PON2: variants seen among roughly 807,000 people sequenced by gnomAD.
The protein encoded by PON2 is paraoxonase 2.
A neutral mutation model predicts 36.6 loss-of-function variants in PON2; 27 were observed. That is an observed-to-expected ratio of 0.74 (90% CI 0.54 to 1.02). PON2 has a LOEUF of 1.02. Among genes scored for constraint, PON2 ranks in the 50% least tolerant of loss-of-function variants. PON2 has a pLI of 0.00. For synonymous variants in PON2, 149 were observed against 156.3 expected (o/e 0.95, Z 0.35); for missense variants, 363 against 421.1 (o/e 0.86, Z 1.21).
intron 2 of PON2, among the ~76,000 whole-genome samples, chr7:95,417,074 A>G (rs1474127822): frequency 6.6e-6 from 1 of 151,858 alleles, no homozygotes; most frequent in Admixed American, 6.6e-5. Context: ...AGAAAAGAAG[A>G]ATAAAAATGG....
At chr7:95,429,318 A>G (rs1789386781) in intron 1 of PON2, among the ~76,000 whole-genome samples, 1 of 152,070 alleles carries the variant, frequency 6.6e-6, no homozygotes, top group Admixed American at 6.6e-5. Context: ...TTTGCTAAGA[A>G]TGACGGTTTC....
rs1262103038 is a variant in PON2, at chr7:95,409,047, A to T, written c.695+854T>A. Among the ~76,000 whole-genome samples the T allele has an allele frequency of 2.6e-5, 4 of 152,098 alleles. No individual in the cohort carries two copies. In the East Asian group the frequency reaches 7.7e-4, roughly 29 times the overall value. On this transcript the variant is annotated intron_variant, in intron 6 of 8. Transcript: ENST00000222572. ...CTCTCTTAGAGCCAGGTGTGGTGGCATATGCCTGTAATCCCAGCACTTCGG... is the reference window on the plus strand; with the variant it reads ...CTCTCTTAGAGCCAGGTGTGGTGGCTTATGCCTGTAATCCCAGCACTTCGG...
intron 2 of PON2, chr7:95,418,306 T>C (rs1277456945): frequency 6.6e-6 from 1 of 152,238 alleles, no homozygotes; most frequent in African/African-American, 2.4e-5. Flanking sequence ...ATGATTATCT[T>C]TTATTTTAGA....
chr7:95,417,522 G>A (rs972742326), intron 2 of PON2, among the ~76,000 whole-genome samples: 1 of 151,514 alleles, frequency 6.6e-6, no homozygotes, highest in Non-Finnish European at 1.5e-5. Flanking sequence ...CTGTAAAAAC[G>A]GTCCTTGATT....
chr7:95,405,443 T>G lies in PON2; in HGVS notation c.952A>C (p.Thr318Pro). 1 of 1,613,544 alleles carries G rather than the reference T, an allele frequency of 6.2e-7. No homozygotes were observed. The highest frequency in any genetic ancestry group is 1.1e-5 in the South Asian group (1 of 91,064). The change falls in exon 9 of 9, where the codon ACA (threonine) becomes CCA (proline). Residue 318 changes from threonine (T) to proline (P), a missense_variant. By Grantham distance (38) the Thr-to-Pro change is conservative. Coordinates refer to ENST00000222572, the MANE Select transcript of PON2 (RefSeq NM_000305.3). ...NILSEKPTVT[T>P]VYANNGSVLQ... ...ACAGACCCATTGTTGGCATAAACTG[T>G]AGTCACTGTAGGCTTCTCAGATAGA...
chr7:95,417,859 T>C (rs1789105765), intron 2 of PON2, among the ~76,000 whole-genome samples: 2 of 138,058 alleles, frequency 1.4e-5, no homozygotes, highest in African/African-American at 2.7e-5. Context: ...AAAGAAGATA[T>C]ATAGAAAAAA....
At chr7:95,411,926 T>A in intron 4 of PON2, 147 bp from the exon 5 acceptor site, 1 of 869,740 alleles carries the variant, frequency 1.1e-6, no homozygotes, top group Non-Finnish European at 1.8e-6. Context: ...TCTTTCCTAT[T>A]GCTGTCCGTC....
At chr7:95,427,253 A>G (rs1252670371) in intron 1 of PON2, among the ~76,000 whole-genome samples, 1 of 152,186 alleles carries the variant, frequency 6.6e-6, no homozygotes, top group African/African-American at 2.4e-5. Flanking sequence ...TCCCTGGCAG[A>G]ACAATCAGTT....
chr7:95,408,051 C>T (rs941538795), intron 6 of PON2, among the ~76,000 whole-genome samples: 3 of 152,156 alleles, frequency 2.0e-5, no homozygotes, highest in Non-Finnish European at 4.4e-5. Flanking sequence ...TAAACAAAGT[C>T]CAACCCTTTA....
chr7:95,427,785 G>A (rs1397061523), intron 1 of PON2, among the ~76,000 whole-genome samples: 1 of 152,036 alleles, frequency 6.6e-6, no homozygotes, highest in Non-Finnish European at 1.5e-5. Context: ...AGCAATCCTC[G>A]CTGGCATCAG....
At chr7:95,423,871 C>T (rs1305629498) in intron 2 of PON2, among the ~76,000 whole-genome samples, 1 of 151,898 alleles carries the variant, frequency 6.6e-6, no homozygotes. Context: ...CTTCACATGG[C>T]GGCAGCAAGG....
chr7:95,419,482 T>C (rs780790378), intron 2 of PON2, among the ~76,000 whole-genome samples: 10 of 152,216 alleles, frequency 6.6e-5, no homozygotes, highest in Admixed American at 1.3e-4. Flanking sequence ...TTAATTTCCA[T>C]CTCTTCTTAT....
intron 3 of PON2, among the ~76,000 whole-genome samples, chr7:95,414,763 T>C (rs1789022178): frequency 6.6e-6 from 1 of 152,254 alleles, no homozygotes; most frequent in African/African-American, 2.4e-5. Flanking sequence ...TGTGCAAGCA[T>C]GTGCTCCTAA....
intron 2 of PON2, among the ~76,000 whole-genome samples, chr7:95,420,468 G>A (rs773003407): frequency 5.9e-5 from 9 of 152,134 alleles, no homozygotes; most frequent in South Asian, 2.1e-4. Context: ...AAGATAGATC[G>A]GGAAGGAATT....
At position 95,412,358 on chromosome 7, in the gene PON2, A is replaced by G. The variant is rs747883946; in HGVS notation, c.321T>C (p.Asp107=). The G allele has an allele frequency of 6.2e-7, 1 of 1,614,176 alleles. No homozygotes were observed. ...ARELRISRGF[D]LASFNPHGIS... ...TGCCATGTGGATTGAATGAGGCCAA[A>G]TCAAACCCACGACTGATTCTTAATT... is the stretch of plus-strand genomic sequence containing the variant. Residue 107 remains aspartate, a synonymous_variant, in exon 4 of 9, where the codon GAT becomes GAC. Transcript: ENST00000222572.
chr7:95,423,465 C>T (rs551074369), intron 2 of PON2, among the ~76,000 whole-genome samples: 1 of 151,992 alleles, frequency 6.6e-6, no homozygotes, highest in East Asian at 1.9e-4. Context: ...AAGACACAGA[C>T]TCTACCTTGG....
intron 1 of PON2, among the ~76,000 whole-genome samples, chr7:95,433,471 A>C (rs968190973): frequency 6.6e-6 from 1 of 152,148 alleles, no homozygotes; most frequent in Non-Finnish European, 1.5e-5. Context: ...TAATGTACAG[A>C]GAACCATTGC....
At position 95,416,301 on chromosome 7, in the gene PON2, T is replaced by C; in HGVS notation, c.146-4A>G. On this transcript the variant is annotated splice_region_variant and splice_polypyrimidine_tract_variant and intron_variant, in intron 2 of 8. Coordinates refer to ENST00000222572, the MANE Select transcript of PON2 (RefSeq NM_000305.3). The stretch of plus-strand genomic sequence containing the variant: ...TCAATATCTTCAGAGCCAGCTTCTG[T>C]AAGTTTAAGGAACAGATAAATGTCA... 6.2e-7 allele frequency: 1 copy of C among 1,613,584 alleles called. No individual in the cohort carries two copies. Among genetic ancestry groups the C allele is most frequent in the South Asian group, 1.1e-5 (1 of 91,064 alleles).
At position 95,434,999 on chromosome 7, in the gene PON2, C is replaced by T. The variant is rs1229932611; in HGVS notation, c.-48G>A. On this transcript the variant is annotated 5_prime_UTR_variant, in exon 1 of 9. Coordinates refer to ENST00000222572, the MANE Select transcript of PON2 (RefSeq NM_000305.3). ...CCTCGCTCCGGCCTGGCCAGCAGCT[C>T]CGTGGGCGGTGCCATCTTCCCGGCT... is the stretch of plus-strand genomic sequence containing the variant. 1.3e-6 allele frequency: 2 copies of T among 1,488,298 alleles called. No homozygotes were observed. The highest frequency in any genetic ancestry group is 1.3e-5 in the South Asian group (1 of 79,272). 92.2% of individuals were successfully genotyped at this position (1,488,298 alleles called of 1,614,324 possible).
Sources: allele counts gnomAD v4.1 joint callset (sites outside exome capture counted in the v4.1 genomes callset), GRCh38; gene constraint gnomAD v4.1.1; transcripts MANE v1.5; gene names NCBI Gene and HGNC (gene_info 2026-07-23, HGNC 2026-07-21).